The following CCDC89 variants were observed in gnomAD, a reference collection of about 807,000 sequenced individuals.
CCDC89 encodes coiled-coil domain containing 89.
CCDC89 carries 28 observed loss-of-function variants against 29.3 expected under a neutral mutation model. The observed-to-expected ratio is 0.96, with a 90% CI of 0.71 to 1.31. The LOEUF is 1.31. CCDC89 is among the 50% of genes most tolerant of loss of function. The pLI, the probability that CCDC89 is intolerant of heterozygous loss-of-function variation, is 0.00. For missense variants in CCDC89, 484 were observed against 442.3 expected (o/e 1.09, Z -0.85); for synonymous variants, 191 against 179.7 (o/e 1.06, Z -0.51).
Position 85,685,517 on chromosome 11 carries a change from T to C in CCDC89, c.614A>G (p.Gln205Arg), listed in dbSNP as rs1343571528. Residue 205 changes from glutamine (Q) to arginine (R), a missense_variant, in exon 1 of 1, where the codon CAG becomes CGG. By Grantham distance (43) the Gln-to-Arg change is conservative. Transcript: ENST00000316398. ...CTCCAGCAGCTCCTTCTCGCGCGCCTGTGCCTGGCAGGCATCCTGAGCACA... is the reference window on the plus strand; with the variant it reads ...CTCCAGCAGCTCCTTCTCGCGCGCCCGTGCCTGGCAGGCATCCTGAGCACA... ...ERCAQDACQAQAREKELLELQ... is the reference protein window; with the variant it reads ...ERCAQDACQARAREKELLELQ... 6.2e-7 allele frequency: 1 copy of C among 1,614,072 alleles called. No homozygotes were observed. The highest frequency in any genetic ancestry group is 8.5e-7 in the Non-Finnish European group (1 of 1,180,030).
rs1294549760 is a variant in CCDC89 at position 85,684,847 on chromosome 11, T to A, written c.*159A>T. On this transcript the variant is annotated 3_prime_UTR_variant, in exon 1 of 1. Coordinates refer to ENST00000316398, the MANE Select transcript of CCDC89 (RefSeq NM_152723.3). ...TAGAAATGAAAATTAATAATGGCTT[T>A]ACAATAATAACAACAATATCATAGT... 1 of 766,074 alleles carries A rather than the reference T, an allele frequency of 1.3e-6. No homozygotes were observed. Among genetic ancestry groups the A allele is most frequent in the Non-Finnish European group, 2.0e-6 (1 of 497,174 alleles). 47.5% of individuals were successfully genotyped at this position (766,074 alleles called of 1,614,324 possible).
Position 85,684,984 on chromosome 11 carries a change from G to T in CCDC89, c.*22C>A. ...CAAATATTTGAATTCTGAATTGCAG[G>T]CCAGAGGAAGCAGAAACTTCCCTAT... is the stretch of plus-strand genomic sequence containing the variant. On this transcript the variant is annotated 3_prime_UTR_variant, in exon 1 of 1. Coordinates refer to ENST00000316398, the MANE Select transcript of CCDC89 (RefSeq NM_152723.3). The T allele has an allele frequency of 6.3e-7, 1 of 1,586,974 alleles. No individual in the cohort carries two copies. The highest frequency in any genetic ancestry group is 1.7e-4 in the Middle Eastern group (1 of 5,902).
Position 85,686,174 on chromosome 11 carries a change from G to A in CCDC89, c.-44C>T, listed in dbSNP as rs761726358. The A allele has an allele frequency of 3.8e-6, 6 of 1,565,394 alleles. No homozygotes were observed. The South Asian group carries it at 4.9e-5, about 13-fold the overall frequency. On this transcript the variant is annotated 5_prime_UTR_variant, in exon 1 of 1. Transcript: ENST00000316398. Reference sequence around the variant, plus strand: ...AGTCTTTTCCCCTCAGATTTCAAACGCTGCAGGGTGTTGCTAGGGACTCTT... The same window carrying A: ...AGTCTTTTCCCCTCAGATTTCAAACACTGCAGGGTGTTGCTAGGGACTCTT...
At position 85,686,032 on chromosome 11, in the gene CCDC89, C is replaced by T; in HGVS notation, c.99G>A (p.Gln33=). 1 of 1,614,158 alleles carries T rather than the reference C, an allele frequency of 6.2e-7. No individual in the cohort carries two copies. The highest frequency in any genetic ancestry group is 8.5e-7 in the Non-Finnish European group (1 of 1,180,018). ...GTTCCTTAAACTCCGTCTCCTCTTC[C>T]TGGTTGTTCAGTTTTTCATTTTGCT... ...LEKQNEKLNN[Q]EEETEFKELD... Residue 33 remains glutamine (Q), a synonymous_variant, in exon 1 of 1, where the codon CAG becomes CAA. Transcript: ENST00000316398.
rs752117983 is a variant in CCDC89 at position 85,685,202 on chromosome 11, G to A, written c.929C>T (p.Ala310Val). Reference sequence around the variant, plus strand: ...TGCCTCTTGCTCAAACCGCTCCAGCGCATGCTTCCTGTCTTCATTTGCTAT... The same window carrying A: ...TGCCTCTTGCTCAAACCGCTCCAGCACATGCTTCCTGTCTTCATTTGCTAT... ...LEIANEDRKH[A>V]LERFEQEAVA... The change falls in exon 1 of 1, where the codon GCG (alanine) becomes GTG (valine). Residue 310 changes from alanine (A) to valine (V), a missense_variant. By Grantham distance (64) the Ala-to-Val change is moderately conservative. Coordinates refer to ENST00000316398, the MANE Select transcript of CCDC89 (RefSeq NM_152723.3). 2 of 1,613,996 alleles carry A rather than the reference G, an allele frequency of 1.2e-6. No individual in the cohort carries two copies. The highest frequency in any genetic ancestry group is 1.7e-5 in the Admixed American group (1 of 60,034).
chr11:85,686,146 T>TAC lies in CCDC89; in HGVS notation c.-18_-17dup. On this transcript the variant is annotated 5_prime_UTR_variant, in exon 1 of 1. Coordinates refer to ENST00000316398, the MANE Select transcript of CCDC89 (RefSeq NM_152723.3). The stretch of plus-strand genomic sequence containing the variant: ...GCGCTCTCATCCACTAAGGGCTGAC[T>TAC]ACAGTCTTTTCCCCTCAGATTTCAA... The TAC allele has an allele frequency of 6.2e-7, 1 of 1,601,078 alleles. No homozygotes were observed. Among genetic ancestry groups the TAC allele is most frequent in the East Asian group, 2.2e-5 (1 of 44,848 alleles).
chr11:85,685,195 C>T lies in CCDC89; in HGVS notation c.936G>A (p.Glu312=), dbSNP rs1407748427. Residue 312 remains glutamate, a synonymous_variant, in exon 1 of 1, where the codon GAG becomes GAA. Coordinates refer to ENST00000316398, the MANE Select transcript of CCDC89 (RefSeq NM_152723.3). ...CAGCCACTGCCTCTTGCTCAAACCG[C>T]TCCAGCGCATGCTTCCTGTCTTCAT... ...IANEDRKHAL[E]RFEQEAVAVD... 6.2e-7 allele frequency: 1 copy of T among 1,614,150 alleles called. No homozygotes were observed. The highest frequency in any genetic ancestry group is 2.2e-5 in the East Asian group (1 of 44,884).
rs2083011406 is a variant in CCDC89 at position 85,685,583 on chromosome 11, C to T, written c.548G>A (p.Cys183Tyr). The change falls in exon 1 of 1, where the codon TGT (cysteine) becomes TAT (tyrosine). Residue 183 changes from cysteine (C) to tyrosine (Y), a missense_variant. By Grantham distance (194) the Cys-to-Tyr change is radical. Coordinates refer to ENST00000316398, the MANE Select transcript of CCDC89 (RefSeq NM_152723.3). ...TTCTAGCTCCCCAGTGAGGGCCTCA[C>T]ACCGGACTGTGAGCTGTAATACTTT... ...EAKVLQLTVRCEALTGELETL... is the reference protein window; with the variant it reads ...EAKVLQLTVRYEALTGELETL... 2.5e-6 allele frequency: 4 copies of T among 1,614,214 alleles called. No homozygotes were observed. In the African/African-American group the frequency reaches 4.0e-5, roughly 16 times the overall value.
At position 85,684,924 on chromosome 11, in the gene CCDC89, G is replaced by A; in HGVS notation, c.*82C>T. 1 of 1,397,138 alleles carries A rather than the reference G, an allele frequency of 7.2e-7. No individual in the cohort carries two copies. Among genetic ancestry groups the A allele is most frequent in the Non-Finnish European group, 9.7e-7 (1 of 1,027,740 alleles). The allele number at this position is 1,397,138 out of a possible 1,614,324, so 86.5% of individuals were successfully genotyped here. ...TTGTGCTTGAAAGTATAATAAATGG[G>A]ATATCATCTTTACTCTTGCCATAAT... On this transcript the variant is annotated 3_prime_UTR_variant, in exon 1 of 1. Transcript: ENST00000316398.
At position 85,684,234 on chromosome 11, in the gene CCDC89, C is replaced by T. The variant is rs1351384915; in HGVS notation, c.*772G>A. ...AATTTCTGAGTTACTCTATAGATCA[C>T]GTCTGCTATGATTTGTTACCCCAAA... On this transcript the variant is annotated 3_prime_UTR_variant, in exon 1 of 1. Coordinates refer to ENST00000316398, the MANE Select transcript of CCDC89 (RefSeq NM_152723.3). 2.6e-5 allele frequency among the ~76,000 whole-genome samples: 4 copies of T among 152,092 alleles called. No individual in the cohort carries two copies. Among genetic ancestry groups the T allele is most frequent in the Non-Finnish European group, 5.9e-5 (4 of 68,016 alleles).
chr11:85,685,985 A>G lies in CCDC89; in HGVS notation c.146T>C (p.Leu49Ser). The stretch of plus-strand genomic sequence containing the variant: ...CTCTGACAGTCCCCGGAGGTTTGCC[A>G]AGGCTTCCCTCAGACCGTCCAGTTC... ...FKELDGLREA[L>S]ANLRGLSEEE... The change falls in exon 1 of 1, where the codon TTG becomes TCG. Residue 49 changes from leucine (L) to serine (S), a missense_variant. Transcript: ENST00000316398. 1.2e-6 allele frequency: 2 copies of G among 1,614,160 alleles called. No homozygotes were observed. The highest frequency in any genetic ancestry group is 2.2e-5 in the South Asian group (2 of 91,090).
Position 85,685,382 on chromosome 11 carries a change from G to T in CCDC89, c.749C>A (p.Ala250Glu). 6.2e-7 allele frequency: 1 copy of T among 1,610,830 alleles called. No individual in the cohort carries two copies. The highest frequency in any genetic ancestry group is 8.5e-7 in the Non-Finnish European group (1 of 1,179,998). ...GCTCAGGCTGCTGTGTGTCTCCTCTGCCTTAGCTATCTGCTCCACAGCCTG... is the reference window on the plus strand; with the variant it reads ...GCTCAGGCTGCTGTGTGTCTCCTCTTCCTTAGCTATCTGCTCCACAGCCTG... ...HQQAVEQIAKAEETHSSLSQE... is the reference protein window; with the variant it reads ...HQQAVEQIAKEEETHSSLSQE... The change falls in exon 1 of 1, where the codon GCA becomes GAA. Residue 250 changes from alanine (A) to glutamate (E), a missense_variant. Ala to Glu is a moderately radical substitution (Grantham distance 107). Transcript: ENST00000316398.
chr11:85,685,319 T>C lies in CCDC89; in HGVS notation c.812A>G (p.Glu271Gly). 6.2e-7 allele frequency: 1 copy of C among 1,607,880 alleles called. No homozygotes were observed. Among genetic ancestry groups the C allele is most frequent in the Non-Finnish European group, 8.5e-7 (1 of 1,179,992 alleles). The change falls in exon 1 of 1, where the codon GAG (glutamate) becomes GGG (glycine). Residue 271 changes from glutamate (E) to glycine (G), a missense_variant. Physicochemically the swap from Glu to Gly is moderately conservative, Grantham distance 98. Coordinates refer to ENST00000316398, the MANE Select transcript of CCDC89 (RefSeq NM_152723.3). Reference protein sequence around the residue: ...LQARLQTVTREKEELLQLSIE... With the variant: ...LQARLQTVTRGKEELLQLSIE... Reference sequence around the variant, plus strand: ...GGACAGCTGCAGCAACTCCTCTTTCTCTCTAGTGACGGTCTGCAGCCTGGC... The same window carrying C: ...GGACAGCTGCAGCAACTCCTCTTTCCCTCTAGTGACGGTCTGCAGCCTGGC...
At position 85,685,090 on chromosome 11, in the gene CCDC89, C is replaced by A. The variant is rs1565816057; in HGVS notation, c.1041G>T (p.Gln347His). The change falls in exon 1 of 1, where the codon CAG becomes CAT. Residue 347 changes from glutamine (Q) to histidine (H), a missense_variant. Gln to His is a conservative substitution (Grantham distance 24). Transcript: ENST00000316398. Reference sequence around the variant, plus strand: ...AGCTGTGCTTTTTGAAGGCTTCAGACTGCAGCCTGAGTTCATCGTAGGCCT... The same window carrying A: ...AGCTGTGCTTTTTGAAGGCTTCAGAATGCAGCCTGAGTTCATCGTAGGCCT... Reference protein sequence around the residue: ...IQKAYDELRLQSEAFKKHSLD... With the variant: ...IQKAYDELRLHSEAFKKHSLD... 1 of 1,614,228 alleles carries A rather than the reference C, an allele frequency of 6.2e-7. No homozygotes were observed. Among genetic ancestry groups the A allele is most frequent in the East Asian group, 2.2e-5 (1 of 44,882 alleles).
Position 85,685,549 on chromosome 11 carries a change from C to T in CCDC89, c.582G>A (p.Lys194=), listed in dbSNP as rs1341219272. Residue 194 remains lysine, a synonymous_variant, in exon 1 of 1, where the codon AAG becomes AAA. Coordinates refer to ENST00000316398, the MANE Select transcript of CCDC89 (RefSeq NM_152723.3). The part of the protein sequence containing the change: ...EALTGELETL[K]ERCAQDACQA... ...GGCAGGCATCCTGAGCACACCTCTC[C>T]TTCAGCGTTTCTAGCTCCCCAGTGA... 2 of 1,614,174 alleles carry T rather than the reference C, an allele frequency of 1.2e-6. No homozygotes were observed. The highest frequency in any genetic ancestry group is 1.7e-6 in the Non-Finnish European group (2 of 1,180,010).
At position 85,684,131 on chromosome 11, in the gene CCDC89, T is replaced by A. The variant is rs895147862; in HGVS notation, c.*875A>T. Among the ~76,000 whole-genome samples, 2 of 152,184 alleles carry A rather than the reference T, an allele frequency of 1.3e-5. No homozygotes were observed. Among genetic ancestry groups the A allele is most frequent in the African/African-American group, 4.8e-5 (2 of 41,444 alleles). On this transcript the variant is annotated 3_prime_UTR_variant, in exon 1 of 1. Transcript: ENST00000316398. The stretch of plus-strand genomic sequence containing the variant: ...TATTACTACAAAAATGCTGCAAGCA[T>A]ACATACACACGTTCAGCTTAGATTT...
rs1432480012 is a variant in CCDC89, at chr11:85,686,038, G to T, written c.93C>A (p.Asn31Lys). The change falls in exon 1 of 1, where the codon AAC (asparagine) becomes AAA (lysine). Residue 31 changes from asparagine to lysine, a missense_variant. Coordinates refer to ENST00000316398, the MANE Select transcript of CCDC89 (RefSeq NM_152723.3). ...ERLEKQNEKL[N>K]NQEEETEFKE... ...TAAACTCCGTCTCCTCTTCCTGGTT[G>T]TTCAGTTTTTCATTTTGCTTCTCTA... 6.2e-7 allele frequency: 1 copy of T among 1,614,208 alleles called. No individual in the cohort carries two copies. The highest frequency in any genetic ancestry group is 8.5e-7 in the Non-Finnish European group (1 of 1,180,046).
chr11:85,685,163 C>A lies in CCDC89; in HGVS notation c.968G>T (p.Ser323Ile), dbSNP rs1179404837. The change falls in exon 1 of 1, where the codon AGC becomes ATC. Residue 323 changes from serine (S) to isoleucine (I), a missense_variant. Coordinates refer to ENST00000316398, the MANE Select transcript of CCDC89 (RefSeq NM_152723.3). ...CTGAAGCTCCCTGACTCTCAAGTTG[C>A]TGTCCACAGCCACTGCCTCTTGCTC... Reference protein sequence around the residue: ...RFEQEAVAVDSNLRVRELQRK... With the variant: ...RFEQEAVAVDINLRVRELQRK... 4 of 1,614,096 alleles carry A rather than the reference C, an allele frequency of 2.5e-6. No homozygotes were observed. The African/African-American group carries it at 5.3e-5, about 22-fold the overall frequency.
rs1219567559 is a variant in CCDC89, at chr11:85,685,778, T to C, written c.353A>G (p.Tyr118Cys). Residue 118 changes from tyrosine (Y) to cysteine (C), a missense_variant, in exon 1 of 1, where the codon TAC becomes TGC. Physicochemically the swap from Tyr to Cys is radical, Grantham distance 194 (BLOSUM62 -2). Coordinates refer to ENST00000316398, the MANE Select transcript of CCDC89 (RefSeq NM_152723.3). Reference sequence around the variant, plus strand: ...AAAGCGTTCCTCTAGTTTCCGACTGTACTCACCCTGGGCCTTGAGCTTCTC... The same window carrying C: ...AAAGCGTTCCTCTAGTTTCCGACTGCACTCACCCTGGGCCTTGAGCTTCTC... ...EAEKLKAQGE[Y>C]SRKLEERFMT... 1 of 1,614,058 alleles carries C rather than the reference T, an allele frequency of 6.2e-7. No individual in the cohort carries two copies. Among genetic ancestry groups the C allele is most frequent in the Non-Finnish European group, 8.5e-7 (1 of 1,180,040 alleles).
Sources: allele counts gnomAD v4.1 joint callset (sites outside exome capture counted in the v4.1 genomes callset), GRCh38; gene constraint gnomAD v4.1.1; transcripts MANE v1.5; gene names NCBI Gene and HGNC (gene_info 2026-07-23, HGNC 2026-07-21).